The following DHX30 variants were observed in gnomAD, a reference collection of about 807,000 sequenced individuals.
DHX30 encodes DExH-box helicase 30.
In DHX30, 4 loss-of-function variants were observed where a neutral mutation model predicts 116.9. The ratio of observed to expected loss-of-function variants is 0.03; its 90% CI spans 0.02 to 0.08. The LOEUF (loss-of-function observed/expected upper bound fraction) is 0.08. Ranked by LOEUF, DHX30 falls within the 10% of genes least tolerant of loss-of-function variation. DHX30 has a pLI of 1.00. For synonymous variants in DHX30, 697 were observed against 651.7 expected (o/e 1.07, Z -1.06); for missense variants, 871 against 1,595.1 (o/e 0.55, Z 7.73).
chr3:47,841,815 A>G, intron 8 of DHX30, 78 bp downstream of exon 8: 1 of 1,603,546 alleles, frequency 6.2e-7, no homozygotes, highest in Admixed American at 1.7e-5. Flanking sequence ...GCAGGTTTAG[A>G]GAGGGCTGAG....
intron 9 of DHX30, 114 bp from the exon 10 acceptor site, chr3:47,845,586 A>G: frequency 1.6e-6 from 2 of 1,274,868 alleles, no homozygotes; most frequent in Non-Finnish European, 2.0e-6. Context: ...GCCAAAATCC[A>G]AAATCTCTTA....
chr3:47,813,896 T>C (rs1487262324), intron 3 of DHX30, among the ~76,000 whole-genome samples: 1 of 149,808 alleles, frequency 6.7e-6, no homozygotes, highest in Non-Finnish European at 1.5e-5. Context: ...CTGGGCTTTT[T>C]TTTTTTTTTT....
Position 47,815,671 on chromosome 3 carries a change from G to A in DHX30, c.29-2351G>A, listed in dbSNP as rs2036016051. ...AACTTAGCTGTCTGATTTCTTACCTGTAATGCCATCGGACTCAGGCTACAA... is the reference window on the plus strand; with the variant it reads ...AACTTAGCTGTCTGATTTCTTACCTATAATGCCATCGGACTCAGGCTACAA... On this transcript the variant is annotated intron_variant, in intron 3 of 21. Transcript: ENST00000445061. 2.3e-5 allele frequency among the ~76,000 whole-genome samples: 3 copies of A among 128,190 alleles called. No homozygotes were observed. The Admixed American group carries it at 2.9e-4, about 12-fold the overall frequency. 84.1% of individuals were successfully genotyped at this position (128,190 alleles called of 152,430 possible).
chr3:47,845,646 C>A, intron 9 of DHX30, 54 bp from the exon 10 acceptor site: 1 of 1,456,826 alleles, frequency 6.9e-7, no homozygotes, highest in South Asian at 1.6e-5. Context: ...CTTGTCTGGG[C>A]TGGTTTTTGG....
In DHX30 at chr3:47,836,774, G is replaced by A. The variant is rs751165139; in HGVS notation, c.367-4103G>A. Among the ~76,000 whole-genome samples, 53 of 152,148 alleles carry A rather than the reference G, an allele frequency of 3.5e-4. 1 individual carries two copies. The highest frequency in any genetic ancestry group is 6.3e-4 in the Non-Finnish European group (43 of 68,018). ...CCTCGCGATCTGCCTGCCTCCCAAA[G>A]TGCTGGGATTACAGGTGTGAGCCAC... On this transcript the variant is annotated intron_variant, in intron 6 of 21. Transcript: ENST00000445061.
chr3:47,829,186 G>A (rs1194224776), intron 6 of DHX30, 52 bp downstream of exon 6: 2 of 1,046,000 alleles, frequency 1.9e-6, no homozygotes, highest in Non-Finnish European at 2.8e-6. Flanking sequence ...GAAACTCCTT[G>A]CCCTTTGTTT....
chr3:47,809,234 CTTTTTT>C (rs71070231), intron 2 of DHX30, among the ~76,000 whole-genome samples: 3 of 63,502 alleles, frequency 4.7e-5, no homozygotes, highest in African/African-American at 7.8e-5. Context: ...AATGTAACTT[CTTTTTT>C]TTTTTTTTTT....
At position 47,841,000 on chromosome 3, in the gene DHX30, T is replaced by C; in HGVS notation, c.490T>C (p.Ser164Pro). The stretch of plus-strand genomic sequence containing the variant: ...TCCGGAACCCACCATGCCCCCTACT[T>C]CCTGGCGGCAGCTGAATCCAGAGAG... ...WRPEPTMPPT[S>P]WRQLNPESIR... The change falls in exon 7 of 22, where the codon TCC becomes CCC. Residue 164 changes from serine to proline, a missense_variant. Ser to Pro is a moderately conservative substitution (Grantham distance 74, BLOSUM62 -1). Around this residue, in one of 13 missense-constraint regions of DHX30, gnomAD observed 109 missense variants for 118.8 expected, o/e 0.92. Coordinates refer to ENST00000445061, the MANE Select transcript of DHX30 (RefSeq NM_138615.3). 3 of 1,614,128 alleles carry C rather than the reference T, an allele frequency of 1.9e-6. No homozygotes were observed. Among genetic ancestry groups the C allele is most frequent in the Non-Finnish European group, 2.5e-6 (3 of 1,180,026 alleles).
At chr3:47,824,079 T>C (rs1254319497) in intron 4 of DHX30, among the ~76,000 whole-genome samples, 1 of 148,076 alleles carries the variant, frequency 6.8e-6, no homozygotes, top group African/African-American at 2.5e-5. Flanking sequence ...CTTGGCTTAC[T>C]GCAACCTCCG....
rs556494505 is a variant in DHX30 at position 47,823,357 on chromosome 3, GT to G, written c.125-3973del. On this transcript the variant is annotated intron_variant, in intron 4 of 21. Transcript: ENST00000445061. The stretch of plus-strand genomic sequence containing the variant: ...TAGTTGGTTGGCATCCCTGGTTGTT[GT>G]TTTTTTTTTTTTTTTTGTCTTTTTG... 4.9e-3 allele frequency among the ~76,000 whole-genome samples: 627 copies of G among 128,018 alleles called. 3 individuals carry two copies. Among genetic ancestry groups the G allele is most frequent in the African/African-American group, 0.015 (528 of 35,418 alleles). 84.0% of individuals were successfully genotyped at this position (128,018 alleles called of 152,430 possible). A position where few individuals can be genotyped will look rare whatever the true frequency, so the allele number is the denominator to read the frequency against.
chr3:47,848,135 T>C lies in DHX30; in HGVS notation c.2287-45T>C. The stretch of plus-strand genomic sequence containing the variant: ...GGTTACTCAGGGAGTGGGGAAGCAC[T>C]GAGGAAGTGGCATTTGTGTGCTGCT... On this transcript the variant is annotated intron_variant, in intron 14 of 21. Coordinates refer to ENST00000445061, the MANE Select transcript of DHX30 (RefSeq NM_138615.3). This position sits in a 1 kb window ranked among gnomAD's most constrained non-coding sequence, Gnocchi z 9.4. 6.2e-7 allele frequency: 1 copy of C among 1,609,142 alleles called. No homozygotes were observed. The highest frequency in any genetic ancestry group is 8.5e-7 in the Non-Finnish European group (1 of 1,176,500).
intron 6 of DHX30, among the ~76,000 whole-genome samples, chr3:47,838,877 G>A (rs1331159870): frequency 6.6e-6 from 1 of 152,104 alleles, no homozygotes; most frequent in Non-Finnish European, 1.5e-5. Context: ...TTGTTTGTTT[G>A]TTTGTTTGTT....
intron 9 of DHX30, among the ~76,000 whole-genome samples, chr3:47,843,867 T>A (rs760825517): frequency 5.3e-5 from 8 of 152,198 alleles, no homozygotes; most frequent in African/African-American, 1.2e-4. Context: ...CCCAGCTTAT[T>A]TTTAAACATT....
intron 6 of DHX30, among the ~76,000 whole-genome samples, chr3:47,834,651 G>A (rs1317719758): frequency 6.6e-6 from 1 of 151,822 alleles, no homozygotes; most frequent in Non-Finnish European, 1.5e-5. Flanking sequence ...GTAGAGATGG[G>A]GTCTTCCAGT....
At chr3:47,835,003 A>T (rs1192431032) in intron 6 of DHX30, among the ~76,000 whole-genome samples, 4 of 151,160 alleles carry the variant, frequency 2.6e-5, no homozygotes, top group Non-Finnish European at 4.4e-5. Flanking sequence ...TTTATTTTTT[A>T]TTTTATTTTT....
At position 47,839,176 on chromosome 3, in the gene DHX30, G is replaced by C. The variant is rs773838996; in HGVS notation, c.367-1701G>C. On this transcript the variant is annotated intron_variant, in intron 6 of 21. Coordinates refer to ENST00000445061, the MANE Select transcript of DHX30 (RefSeq NM_138615.3). ...TTTAATTTATATTTTCTGTAGAAAA[G>C]CATGAAGCTATAACACATTTAAAAT... 2.5e-4 allele frequency among the ~76,000 whole-genome samples: 38 copies of C among 151,878 alleles called. 1 individual carries two copies. Among genetic ancestry groups the C allele is most frequent in the Middle Eastern group, 3.2e-3 (1 of 316 alleles).
chr3:47,823,440 T>G (rs995001389), intron 4 of DHX30, among the ~76,000 whole-genome samples: 2 of 149,458 alleles, frequency 1.3e-5, no homozygotes, highest in Non-Finnish European at 3.0e-5. Context: ...CTCGGCTCAC[T>G]GCAACCTCCG....
intron 4 of DHX30, chr3:47,824,709 AACTT>A (rs2036463521): frequency 8.2e-6 from 2 of 242,916 alleles, no homozygotes; most frequent in Non-Finnish European, 1.6e-5. Flanking sequence ...AGAGGGAACT[AACTT>A]CGCTTCCTTA....
rs187051749 is a variant in DHX30 at position 47,823,689 on chromosome 3, C to T, written c.125-3658C>T. On this transcript the variant is annotated intron_variant, in intron 4 of 21. Coordinates refer to ENST00000445061, the MANE Select transcript of DHX30 (RefSeq NM_138615.3). ...TTTTTTTTTAACATAAAAATCTAAA[C>T]ATCTGTTCAACACATGTGTTGTAAA... Among the ~76,000 whole-genome samples, 4 of 152,106 alleles carry T rather than the reference C, an allele frequency of 2.6e-5. No homozygotes were observed. In the East Asian group the frequency reaches 5.8e-4, roughly 22 times the overall value.
Sources: gnomAD v4.1 joint callset for allele counts (sites outside exome capture counted in the v4.1 genomes callset) on GRCh38, gnomAD v4.1.1 for gene constraint, gnomAD v4.1.1 regional missense constraint, Gnocchi (gnomAD v3.1) non-coding constraint, MANE v1.5 for transcripts, NCBI Gene and HGNC (gene_info 2026-07-23, HGNC 2026-07-21) for gene names.